Variants in EHBP1 observed in about 807,000 individuals in gnomAD.
EHBP1 encodes the protein EH domain binding protein 1, also known as EH domain-binding protein 1.
EHBP1 carries 55 observed loss-of-function variants against 144.0 expected under a neutral mutation model. The observed-to-expected ratio is 0.38, with a 90% CI of 0.31 to 0.48. EHBP1 has a LOEUF of 0.48. EHBP1 is among the 20% of genes least tolerant of loss of function. The pLI is 0.98. For synonymous variants in EHBP1, 469 were observed against 472.7 expected (o/e 0.99, Z 0.10); for missense variants, 1,200 against 1,364.2 (o/e 0.88, Z 1.90).
chr2:62,880,164 A>G (rs2051280618), intron 10 of EHBP1, among the ~76,000 whole-genome samples: 1 of 152,200 alleles, frequency 6.6e-6, no homozygotes. Context: ...AGCCATGTAA[A>G]GAAGATTGAA....
At chr2:63,037,495 T>C in intron 19 of EHBP1, 40 bp from the exon 20 acceptor site, 8 of 1,417,292 alleles carry the variant, frequency 5.6e-6, no homozygotes, top group Non-Finnish European at 7.9e-6. Context: ...TGGCTTGTTT[T>C]AACATCGTAT....
intron 5 of EHBP1, among the ~76,000 whole-genome samples, chr2:62,809,292 G>GAAAAAAA (rs985494969): frequency 2.1e-5 from 1 of 46,576 alleles, no homozygotes; most frequent in African/African-American, 7.3e-5. Flanking sequence ...CTATGTCTCA[G>GAAAAAAA]AAAAAAAAAA....
chr2:62,883,096 C>T (rs2152882075), intron 10 of EHBP1, among the ~76,000 whole-genome samples: 1 of 151,788 alleles, frequency 6.6e-6, no homozygotes, highest in South Asian at 2.1e-4. Context: ...GAAACTGAAC[C>T]TTGGATAAGT....
intron 3 of EHBP1, among the ~76,000 whole-genome samples, chr2:62,752,921 A>C (rs1000963488): frequency 6.6e-6 from 1 of 152,220 alleles, no homozygotes; most frequent in South Asian, 2.1e-4. Flanking sequence ...GGTTTCCTGA[A>C]TACAGCGCAC....
chr2:62,694,959 AGG>A lies in EHBP1; in HGVS notation c.-295-11935_-295-11934del, dbSNP rs532594106. Among the ~76,000 whole-genome samples, 11 of 152,288 alleles carry A rather than the reference AGG, an allele frequency of 7.2e-5. 1 individual carries two copies. The East Asian group carries it at 2.1e-3, about 29-fold the overall frequency. ...AGTATATGTATATGTCATATATAAGAGGGGAAATAAGAGAGGAGCTAAACATG... is the reference window on the plus strand; with the variant it reads ...AGTATATGTATATGTCATATATAAGAGGAAATAAGAGAGGAGCTAAACATG... On this transcript the variant is annotated intron_variant, in intron 1 of 22. Transcript: ENST00000405015.
chr2:62,785,138 G>A (rs960220551), intron 5 of EHBP1, among the ~76,000 whole-genome samples: 1 of 151,918 alleles, frequency 6.6e-6, no homozygotes, highest in Non-Finnish European at 1.5e-5. Context: ...AAGTATTGTG[G>A]GATGTACTGT....
intron 7 of EHBP1, among the ~76,000 whole-genome samples, chr2:62,840,983 T>G (rs554835169): frequency 2.4e-4 from 36 of 152,304 alleles, no homozygotes; most frequent in African/African-American, 8.7e-4. Context: ...AGCCATCCCA[T>G]TACTGGGTAT....
intron 19 of EHBP1, among the ~76,000 whole-genome samples, chr2:63,029,126 T>G (rs954010403): frequency 3.3e-5 from 5 of 152,110 alleles, no homozygotes; most frequent in African/African-American, 1.2e-4. Flanking sequence ...TTTAAGTCTC[T>G]AAAACCCACT....
chr2:62,872,275 G>A (rs1039759618), intron 9 of EHBP1, among the ~76,000 whole-genome samples: 9 of 151,698 alleles, frequency 5.9e-5, no homozygotes, highest in Admixed American at 2.6e-4. Context: ...TAATATAACC[G>A]ATGAATTTTC....
At chr2:62,817,192 T>G (rs2045511748) in intron 5 of EHBP1, among the ~76,000 whole-genome samples, 1 of 152,158 alleles carries the variant, frequency 6.6e-6, no homozygotes, top group African/African-American at 2.4e-5. Context: ...TATTTGCATA[T>G]TTGCTCATGT....
intron 7 of EHBP1, among the ~76,000 whole-genome samples, chr2:62,856,909 A>C (rs1026511206): frequency 6.6e-6 from 1 of 152,182 alleles, no homozygotes; most frequent in African/African-American, 2.4e-5. Context: ...TATAATTACC[A>C]GGGTGGTTAA....
intron 6 of EHBP1, among the ~76,000 whole-genome samples, chr2:62,828,209 T>C (rs1032843419): frequency 2.0e-5 from 3 of 152,230 alleles, no homozygotes; most frequent in African/African-American, 7.2e-5. Flanking sequence ...GATAACGGCG[T>C]ATTAAGCATT....
At chr2:62,843,762 A>G (rs1206595793) in intron 7 of EHBP1, among the ~76,000 whole-genome samples, 1 of 152,150 alleles carries the variant, frequency 6.6e-6, no homozygotes, top group East Asian at 1.9e-4. Context: ...TAAAAGGTTT[A>G]TTGAAATTTA....
chr2:62,738,149 A>G (rs2038339771), intron 2 of EHBP1, among the ~76,000 whole-genome samples: 3 of 152,148 alleles, frequency 2.0e-5, no homozygotes, highest in South Asian at 2.1e-4. Context: ...TTCTTTTACT[A>G]TTTTGATTGT....
intron 2 of EHBP1, among the ~76,000 whole-genome samples, chr2:62,717,952 C>T (rs754548879): frequency 3.9e-5 from 6 of 152,072 alleles, no homozygotes; most frequent in Non-Finnish European, 5.9e-5. Flanking sequence ...AGTTTATTGG[C>T]GGCCAAGGCA....
intron 10 of EHBP1, among the ~76,000 whole-genome samples, chr2:62,922,194 G>A (rs954438263): frequency 1.3e-4 from 20 of 152,226 alleles, no homozygotes; most frequent in African/African-American, 4.6e-4. Context: ...AAATCATAAT[G>A]AAGAGAAAAT....
chr2:62,698,950 G>C lies in EHBP1; in HGVS notation c.-295-7947G>C, dbSNP rs552842027. Among the ~76,000 whole-genome samples, 29 of 152,332 alleles carry C rather than the reference G, an allele frequency of 1.9e-4. No homozygotes were observed. In the South Asian group the frequency reaches 5.8e-3, roughly 30 times the overall value. On this transcript the variant is annotated intron_variant, in intron 1 of 22. Coordinates refer to the EHBP1 transcript ENST00000405015. ...CCCTTGGCTCATGCCCAGTGCCCTG[G>C]TAAGTGGAGTTTTGCCTGCTTTCAG...
intron 8 of EHBP1, among the ~76,000 whole-genome samples, chr2:62,864,249 A>G (rs576037364): frequency 6.6e-6 from 1 of 152,298 alleles, no homozygotes; most frequent in African/African-American, 2.4e-5. Flanking sequence ...GGTTCCAGCC[A>G]TCCTTCCACT....
At chr2:62,907,107 A>G (rs774162102) in intron 10 of EHBP1, among the ~76,000 whole-genome samples, 7 of 152,304 alleles carry the variant, frequency 4.6e-5, no homozygotes, top group Non-Finnish European at 7.3e-5. Flanking sequence ...ACATTTGTGT[A>G]CCAATTTTTG....
Sources: allele counts gnomAD v4.1 joint callset (sites outside exome capture counted in the v4.1 genomes callset), GRCh38; gene constraint gnomAD v4.1.1; transcripts MANE v1.5; gene names NCBI Gene and HGNC (gene_info 2026-07-23, HGNC 2026-07-21).